FAT4: variants seen among roughly 807,000 people sequenced by gnomAD.
FAT4 encodes FAT atypical cadherin 4.
A neutral mutation model predicts 303.9 loss-of-function variants in FAT4; 84 were observed. The observed-to-expected ratio is 0.28, with a 90% CI of 0.23 to 0.33. The LOEUF (loss-of-function observed/expected upper bound fraction) is 0.33. Among genes scored for constraint, FAT4 ranks in the 10% least tolerant of loss-of-function variants. FAT4 has a pLI of 1.00. For synonymous variants in FAT4, 2,307 were observed against 2,298.8 expected (o/e 1.00, Z -0.10); for missense variants, 6,005 against 6,146.8 (o/e 0.98, Z 0.77).
chr4:125,345,327 T>C (rs996588789), intron 2 of FAT4, among the ~76,000 whole-genome samples: 4 of 152,056 alleles, frequency 2.6e-5, no homozygotes, highest in Admixed American at 6.6e-5. Context: ...AAGATTGCCT[T>C]TTTTGTGTTT....
rs1416460068 is a variant in FAT4 at position 125,452,356 on chromosome 4, C to T, written c.11346C>T (p.Ala3782=). 2 of 1,614,090 alleles carry T rather than the reference C, an allele frequency of 1.2e-6. No homozygotes were observed. Among genetic ancestry groups the T allele is most frequent in the African/African-American group, 1.3e-5 (1 of 74,920 alleles). The part of the protein sequence containing the change: ...HNQYVNPSGV[A]TFFESIKEIL... ...AGTATGTGAATCCCAGTGGCGTAGC[C>T]ACCTTCTTTGAAAGCATCAAAGAGA... is the stretch of plus-strand genomic sequence containing the variant. The change falls in exon 10 of 18, where the codon GCC becomes GCT. Residue 3782 remains alanine, a synonymous_variant. Transcript: ENST00000394329.
chr4:125,319,238 A>C lies in FAT4; in HGVS notation c.2827A>C (p.Asn943His), dbSNP rs374282178. The part of the protein sequence containing the change: ...KQNPKNLFAI[N>H]EKNGTISLLG... The stretch of plus-strand genomic sequence containing the variant: ...AAACCCCAAGAACCTGTTTGCTATC[A>C]ATGAAAAGAATGGCACTATTAGTCT... The change falls in exon 2 of 18, where the codon AAT becomes CAT. Residue 943 changes from asparagine (N) to histidine (H), a missense_variant. Asn to His is a moderately conservative substitution (Grantham distance 68, BLOSUM62 1). Coordinates refer to ENST00000394329, the MANE Select transcript of FAT4 (RefSeq NM_001291303.3). The C allele has an allele frequency of 1.9e-6, 3 of 1,614,172 alleles. No individual in the cohort carries two copies. Among genetic ancestry groups the C allele is most frequent in the African/African-American group, 2.7e-5 (2 of 75,044 alleles).
chr4:125,407,700 C>T (rs1734672776), intron 4 of FAT4, among the ~76,000 whole-genome samples: 1 of 152,034 alleles, frequency 6.6e-6, no homozygotes, highest in Admixed American at 6.6e-5. Flanking sequence ...TTATAAGAAA[C>T]TGAATCTTTA....
chr4:125,343,375 A>G (rs745880999), intron 2 of FAT4, among the ~76,000 whole-genome samples: 4 of 151,156 alleles, frequency 2.6e-5, no homozygotes, highest in Non-Finnish European at 5.9e-5. Flanking sequence ...AACCCATAGC[A>G]CCAAGTCCAT....
intron 3 of FAT4, among the ~76,000 whole-genome samples, chr4:125,403,513 C>G (rs995252092): frequency 1.3e-5 from 2 of 152,026 alleles, no homozygotes; most frequent in African/African-American, 4.8e-5. Flanking sequence ...CTATCTCTAT[C>G]TATTCTAATT....
intron 12 of FAT4, among the ~76,000 whole-genome samples, chr4:125,474,492 G>A (rs1195103073): frequency 6.6e-6 from 1 of 151,848 alleles, no homozygotes; most frequent in Non-Finnish European, 1.5e-5. Context: ...AGAATTGGAA[G>A]TATAAATTTT....
At chr4:125,347,981 A>G (rs1160955276) in intron 2 of FAT4, among the ~76,000 whole-genome samples, 2 of 151,296 alleles carry the variant, frequency 1.3e-5, no homozygotes, top group East Asian at 3.9e-4. Context: ...GAGTTGAAAA[A>G]CTCCAGACAC....
chr4:125,384,794 G>T (rs1391026161), intron 2 of FAT4, among the ~76,000 whole-genome samples: 1 of 151,720 alleles, frequency 6.6e-6, no homozygotes, highest in Non-Finnish European at 1.5e-5. Flanking sequence ...GAACACCTGG[G>T]TATTTTGTAT....
At chr4:125,458,173 T>G (rs1726353215) in intron 10 of FAT4, among the ~76,000 whole-genome samples, 2 of 151,966 alleles carry the variant, frequency 1.3e-5, no homozygotes, top group Admixed American at 6.6e-5. Flanking sequence ...ATGCCGGGGG[T>G]TTATTACCTT....
At position 125,452,649 on chromosome 4, in the gene FAT4, A is replaced by G. The variant is rs1488587604; in HGVS notation, c.11639A>G (p.His3880Arg). The G allele has an allele frequency of 6.8e-6, 11 of 1,614,006 alleles. No homozygotes were observed. The highest frequency in any genetic ancestry group is 9.3e-6 in the Non-Finnish European group (11 of 1,180,032). The change falls in exon 10 of 18, where the codon CAC becomes CGC. Residue 3880 changes from histidine to arginine, a missense_variant. Coordinates refer to ENST00000394329, the MANE Select transcript of FAT4 (RefSeq NM_001291303.3). ...PSPCHSGGTC[H>R]NLVGGFSCSC... ...CCTTGCCACAGTGGTGGAACCTGTC[A>G]CAATTTAGTGGGAGGATTTTCATGC...
intron 7 of FAT4, among the ~76,000 whole-genome samples, chr4:125,421,295 A>G (rs1265845824): frequency 6.6e-6 from 1 of 152,158 alleles, no homozygotes; most frequent in Non-Finnish European, 1.5e-5. Flanking sequence ...TATCTCCCAC[A>G]TATCTAAGCA....
chr4:125,398,834 G>T lies in FAT4; in HGVS notation c.5226G>T (p.Thr1742=). ...DINDNPPVFP[T]DMLDLTVEEN... ...ATGACAATCCACCAGTATTTCCAAC[G>T]GACATGCTGGATCTCACGGTAGAGG... Residue 1742 remains threonine, a synonymous_variant, in exon 3 of 18, where the codon ACG becomes ACT. Coordinates refer to ENST00000394329, the MANE Select transcript of FAT4 (RefSeq NM_001291303.3). The T allele has an allele frequency of 6.2e-7, 1 of 1,613,146 alleles. No individual in the cohort carries two copies. Among genetic ancestry groups the T allele is most frequent in the Non-Finnish European group, 8.5e-7 (1 of 1,179,304 alleles).
At chr4:125,345,391 T>C (rs1731958081) in intron 2 of FAT4, among the ~76,000 whole-genome samples, 1 of 151,944 alleles carries the variant, frequency 6.6e-6, no homozygotes, top group East Asian at 1.9e-4. Context: ...GTTTCTTTCC[T>C]TGTTAACTTT....
intron 2 of FAT4, chr4:125,393,946 C>A: frequency 1.3e-6 from 1 of 780,094 alleles, no homozygotes; most frequent in Non-Finnish European, 2.4e-6. Flanking sequence ...ATGGTAACAA[C>A]GGTAGTGGCA....
At chr4:125,357,334 A>G (rs1048735265) in intron 2 of FAT4, among the ~76,000 whole-genome samples, 1 of 152,158 alleles carries the variant, frequency 6.6e-6, no homozygotes, top group African/African-American at 2.4e-5. Flanking sequence ...TCGATTGATA[A>G]TAAAATTTGT....
rs1730670028 is a variant in FAT4 at position 125,317,540 on chromosome 4, G to A, written c.1129G>A (p.Val377Met). ...TGAGAATGCTCAAGTGGGCACCGTG[G>A]TGGCTCTGCTCACCGTGACGGACGC... is the stretch of plus-strand genomic sequence containing the variant. ...VDENAQVGTVVALLTVTDADS... is the reference protein window; with the variant it reads ...VDENAQVGTVMALLTVTDADS... Residue 377 changes from valine (V) to methionine (M), a missense_variant, in exon 2 of 18, where the codon GTG (valine) becomes ATG (methionine). By Grantham distance (21) the Val-to-Met change is conservative (BLOSUM62 1). Coordinates refer to ENST00000394329, the MANE Select transcript of FAT4 (RefSeq NM_001291303.3). The surrounding 1 kb of genome is among the most constrained non-coding windows in gnomAD (Gnocchi z 7.0). The A allele has an allele frequency of 6.2e-7, 1 of 1,613,772 alleles. No homozygotes were observed. The highest frequency in any genetic ancestry group is 8.5e-7 in the Non-Finnish European group (1 of 1,180,010).
At chr4:125,410,831 A>T (rs767758022) in intron 5 of FAT4, among the ~76,000 whole-genome samples, 12 of 152,004 alleles carry the variant, frequency 7.9e-5, no homozygotes, top group Non-Finnish European at 1.3e-4. Flanking sequence ...TTTTTGTGAT[A>T]TTTTTTCTTT....
intron 16 of FAT4, among the ~76,000 whole-genome samples, chr4:125,484,203 G>T (rs529310840): frequency 6.6e-6 from 1 of 152,024 alleles, no homozygotes; most frequent in Non-Finnish European, 1.5e-5. Context: ...GGTGTGGGCA[G>T]CAATAGTGAT....
rs149986685 is a variant in FAT4 at position 125,326,013 on chromosome 4, C to T, written c.5175+4427C>T. Among the ~76,000 whole-genome samples, 578 of 152,016 alleles carry T rather than the reference C, an allele frequency of 3.8e-3. 3 individuals are homozygous for T. Among genetic ancestry groups the T allele is most frequent in the African/African-American group, 0.013 (521 of 41,468 alleles). Reference sequence around the variant, plus strand: ...TTTGCATGGAGGTCCATGCATACTCCACAGTGAGAGAACCATTGGTGTGGG... The same window carrying T: ...TTTGCATGGAGGTCCATGCATACTCTACAGTGAGAGAACCATTGGTGTGGG... On this transcript the variant is annotated intron_variant, in intron 2 of 17. Transcript: ENST00000394329.
Sources: allele counts gnomAD v4.1 joint callset (sites outside exome capture counted in the v4.1 genomes callset), GRCh38; gene constraint gnomAD v4.1.1; non-coding constraint Gnocchi (gnomAD v3.1); transcripts MANE v1.5; gene names NCBI Gene and HGNC (gene_info 2026-07-23, HGNC 2026-07-21).